Variants in ZNFX1 observed in about 807,000 individuals in gnomAD.
ZNFX1 encodes NFX1-type zinc finger-containing protein 1.
In ZNFX1, 78 loss-of-function variants were observed where a neutral mutation model predicts 179.8. The observed-to-expected ratio is 0.43, with a 90% CI of 0.36 to 0.52. The LOEUF (loss-of-function observed/expected upper bound fraction) is 0.52. ZNFX1 is among the 20% of genes least tolerant of loss of function. The probability of loss-of-function intolerance (pLI) is 0.00; values close to 1 mark genes in which losing one functional copy is unlikely to be tolerated. For missense variants in ZNFX1, 1,927 were observed against 2,386.6 expected (o/e 0.81, Z 4.01); for synonymous variants, 848 against 868.5 (o/e 0.98, Z 0.42).
chr20:49,271,843 A>G, intron 2 of ZNFX1, 93 bp from the exon 3 acceptor site: 1 of 1,426,018 alleles, frequency 7.0e-7, no homozygotes, highest in Non-Finnish European at 9.4e-7. Context: ...TTTCCAAAAT[A>G]ACTAAAGAGC....
At chr20:49,252,626 T>C in intron 12 of ZNFX1, 94 bp downstream of exon 12, 2 of 788,800 alleles carry the variant, frequency 2.5e-6, no homozygotes, top group Non-Finnish European at 4.2e-6. Context: ...ATTAAATTAT[T>C]TTTATTTATA....
chr20:49,268,398 G>A (rs1456620351), intron 3 of ZNFX1, among the ~76,000 whole-genome samples: 1 of 152,094 alleles, frequency 6.6e-6, no homozygotes, highest in Non-Finnish European at 1.5e-5. Context: ...TACTATGCAT[G>A]ACAATGGGTT....
At chr20:49,252,912 C>G (rs1980879392) in intron 11 of ZNFX1, 82 bp from the exon 12 acceptor site, 1 of 1,110,964 alleles carries the variant, frequency 9.0e-7, no homozygotes, top group Admixed American at 1.8e-5. Flanking sequence ...AACCAACCAT[C>G]AAATGTTTTT....
In ZNFX1 at chr20:49,247,689, T is replaced by C. The variant is rs1980714434; in HGVS notation, c.5335A>G (p.Lys1779Glu). The C allele has an allele frequency of 1.2e-6, 2 of 1,614,018 alleles. No homozygotes were observed. The highest frequency in any genetic ancestry group is 2.2e-5 in the East Asian group (1 of 44,892). ...TCTACTGCTATGCTATCTTTCACCTTCTTCTCTGCTATCTTGTAGCGGGTC... is the reference window on the plus strand; with the variant it reads ...TCTACTGCTATGCTATCTTTCACCTCCTTCTCTGCTATCTTGTAGCGGGTC... ...LLTRYKIAEK[K>E]VKDSIAVEVY... Residue 1779 changes from lysine to glutamate, a missense_variant, in exon 14 of 14, where the codon AAG (lysine) becomes GAG (glutamate). Physicochemically the swap from Lys to Glu is moderately conservative, Grantham distance 56. Coordinates refer to ENST00000396105, the MANE Select transcript of ZNFX1 (RefSeq NM_021035.3).
At chr20:49,254,771 G>C in intron 9 of ZNFX1, 122 bp from the exon 10 acceptor site, 2 of 1,106,286 alleles carry the variant, frequency 1.8e-6, no homozygotes, top group Non-Finnish European at 2.6e-6. Context: ...GTGACAAACA[G>C]AGAGATACAT....
chr20:49,259,329 C>T (rs957178601), intron 7 of ZNFX1, among the ~76,000 whole-genome samples: 2 of 151,654 alleles, frequency 1.3e-5, no homozygotes, highest in African/African-American at 4.8e-5. Context: ...CTTCCTAACC[C>T]GAATTTTATA....
intron 3 of ZNFX1, among the ~76,000 whole-genome samples, chr20:49,269,118 A>G (rs947229352): frequency 6.6e-6 from 1 of 152,236 alleles, no homozygotes; most frequent in Non-Finnish European, 1.5e-5. Context: ...GATGCCCAAC[A>G]ATGGTGGACT....
chr20:49,271,882 T>C (rs1261631983), intron 2 of ZNFX1, 132 bp from the exon 3 acceptor site: 1 of 1,006,600 alleles, frequency 9.9e-7, no homozygotes, highest in Non-Finnish European at 1.4e-6. Flanking sequence ...GAAAAACGGT[T>C]TCTACCAAGT....
intron 8 of ZNFX1, among the ~76,000 whole-genome samples, chr20:49,256,516 A>G (rs1980974290): frequency 6.6e-6 from 1 of 152,340 alleles, no homozygotes; most frequent in East Asian, 1.9e-4. Flanking sequence ...CAAGTGGTGG[A>G]AAGCACTGTT....
intron 1 of ZNFX1, among the ~76,000 whole-genome samples, chr20:49,277,013 AAG>A (rs1491026249): frequency 6.6e-6 from 1 of 152,222 alleles, no homozygotes. Flanking sequence ...AAAAGAAAAA[AAG>A]ATGTTAAAAA....
In ZNFX1 at chr20:49,270,250, C is replaced by G; in HGVS notation, c.1562G>C (p.Gly521Ala). The G allele has an allele frequency of 6.2e-7, 1 of 1,614,024 alleles. No homozygotes were observed. The highest frequency in any genetic ancestry group is 8.5e-7 in the Non-Finnish European group (1 of 1,180,006). The change falls in exon 3 of 14, where the codon GGA (glycine) becomes GCA (alanine). Residue 521 changes from glycine (G) to alanine (A), a missense_variant. Physicochemically the swap from Gly to Ala is moderately conservative, Grantham distance 60. Transcript: ENST00000396105. The surrounding 1 kb of genome is among the most constrained non-coding windows in gnomAD (Gnocchi z 4.6). ...YFEAYRHVLEGLQEVQEEDVP... is the reference protein window; with the variant it reads ...YFEAYRHVLEALQEVQEEDVP... ...ATCTTCCTCCTGGACCTCCTGGAGT[C>G]CTTCCAGGACGTGCCTGTAGGCCTC...
chr20:49,270,836 C>T lies in ZNFX1; in HGVS notation c.976G>A (p.Ala326Thr), dbSNP rs778202476. ...CGGTAGCTCTCAACATGGTCTTCTGCCTCAGGCTGCACTAGAGTGTAGGTA... is the reference window on the plus strand; with the variant it reads ...CGGTAGCTCTCAACATGGTCTTCTGTCTCAGGCTGCACTAGAGTGTAGGTA... ...VDTYTLVQPE[A>T]EDHVESYRTM... Residue 326 changes from alanine (A) to threonine (T), a missense_variant, in exon 3 of 14, where the codon GCA (alanine) becomes ACA (threonine). Transcript: ENST00000396105. This position sits in a 1 kb window ranked among gnomAD's most constrained non-coding sequence, Gnocchi z 4.6. 6.2e-7 allele frequency: 1 copy of T among 1,614,138 alleles called. No individual in the cohort carries two copies. The highest frequency in any genetic ancestry group is 2.2e-5 in the East Asian group (1 of 44,886).
chr20:49,263,215 C>T, intron 6 of ZNFX1, 119 bp downstream of exon 6: 2 of 1,275,600 alleles, frequency 1.6e-6, no homozygotes, highest in South Asian at 3.1e-5. Context: ...GGGAACTTTA[C>T]ACATTGTGGC....
Position 49,271,351 on chromosome 20 carries a change from T to C in ZNFX1, c.461A>G (p.Gln154Arg), listed in dbSNP as rs1340424531. The C allele has an allele frequency of 6.2e-7, 1 of 1,614,094 alleles. No individual in the cohort carries two copies. The change falls in exon 3 of 14, where the codon CAG becomes CGG. Residue 154 changes from glutamine (Q) to arginine (R), a missense_variant. Gln to Arg is a conservative substitution (Grantham distance 43). Transcript: ENST00000396105. ...LGYKFLESLL[Q>R]KDPSEVVITL... ...GATGACCACCTCAGAAGGGTCTTTC[T>C]GCAGAAGACTTTCTAAGAACTTGTA... is the stretch of plus-strand genomic sequence containing the variant.
rs137994989 is a variant in ZNFX1, at chr20:49,263,667, C to T, written c.2152-184G>A. On this transcript the variant is annotated intron_variant, in intron 5 of 13. Coordinates refer to ENST00000396105, the MANE Select transcript of ZNFX1 (RefSeq NM_021035.3). ...GGTCTTGAAACCAAAGAACTAGTAT[C>T]GGTTGAGTGTGGTGGCTCATGCCTG... is the stretch of plus-strand genomic sequence containing the variant. Among the ~76,000 whole-genome samples, 271 of 152,306 alleles carry T rather than the reference C, an allele frequency of 1.8e-3. 1 individual carries two copies. Among genetic ancestry groups the T allele is most frequent in the African/African-American group, 6.3e-3 (260 of 41,562 alleles).
chr20:49,270,561 G>C lies in ZNFX1; in HGVS notation c.1251C>G (p.Ile417Met). Residue 417 changes from isoleucine to methionine, a missense_variant, in exon 3 of 14, where the codon ATC becomes ATG. Coordinates refer to ENST00000396105, the MANE Select transcript of ZNFX1 (RefSeq NM_021035.3). This position sits in a 1 kb window ranked among gnomAD's most constrained non-coding sequence, Gnocchi z 4.6. ...TGCCTGATGATGAACACATGGGGGT[G>C]ATAATCCTGGTGTCAAAGTAGATTC... is the stretch of plus-strand genomic sequence containing the variant. ...DIRIYFDTRI[I>M]TPMCSSSGIV... The C allele has an allele frequency of 4.3e-6, 7 of 1,614,234 alleles. No individual in the cohort carries two copies. Among genetic ancestry groups the C allele is most frequent in the Non-Finnish European group, 5.9e-6 (7 of 1,180,040 alleles).
Position 49,266,220 on chromosome 20 carries a change from G to C in ZNFX1, c.1917C>G (p.Asn639Lys), listed in dbSNP as rs149506501. 2 of 1,613,146 alleles carry C rather than the reference G, an allele frequency of 1.2e-6. No individual in the cohort carries two copies. The highest frequency in any genetic ancestry group is 1.7e-6 in the Non-Finnish European group (2 of 1,179,676). The change falls in exon 4 of 14, where the codon AAC (asparagine) becomes AAG (lysine). Residue 639 changes from asparagine (N) to lysine (K), a missense_variant. Asn to Lys is a moderately conservative substitution (Grantham distance 94). Transcript: ENST00000396105. ...GLKIVQALLT[N>K]ESVWQISLQK... Reference sequence around the variant, plus strand: ...GGAGGCTAATTTGCCAAACAGACTCGTTGGTTAGGAGGGCCTGAACAATTT... The same window carrying C: ...GGAGGCTAATTTGCCAAACAGACTCCTTGGTTAGGAGGGCCTGAACAATTT...
At chr20:49,258,465 C>T (rs1981028291) in intron 7 of ZNFX1, among the ~76,000 whole-genome samples, 1 of 152,144 alleles carries the variant, frequency 6.6e-6, no homozygotes, top group Admixed American at 6.6e-5. Context: ...TCCTTATATA[C>T]TTTTTGTTAC....
intron 6 of ZNFX1, among the ~76,000 whole-genome samples, chr20:49,261,238 A>T (rs1350633955): frequency 6.6e-6 from 1 of 152,204 alleles, no homozygotes; most frequent in Non-Finnish European, 1.5e-5. Context: ...AAAAGAAAAA[A>T]GAATCAAAAG....
Sources: gnomAD v4.1 joint callset for allele counts (sites outside exome capture counted in the v4.1 genomes callset) on GRCh38, gnomAD v4.1.1 for gene constraint, Gnocchi (gnomAD v3.1) non-coding constraint, MANE v1.5 for transcripts, NCBI Gene and HGNC (gene_info 2026-07-23, HGNC 2026-07-21) for gene names.